Variants in ATP8A1 observed in about 807,000 individuals in gnomAD.
The protein encoded by ATP8A1 is phospholipid-transporting ATPase IA.
In ATP8A1, 90 loss-of-function variants were observed where a neutral mutation model predicts 177.7. The observed-to-expected ratio is 0.51, with a 90% confidence interval of 0.43 to 0.60. The LOEUF is 0.60. Ranked by LOEUF, ATP8A1 falls within the 20% of genes least tolerant of loss-of-function variation. The probability of loss-of-function intolerance (pLI) is 0.00; values close to 1 mark genes in which losing one functional copy is unlikely to be tolerated. For missense variants in ATP8A1, 1,072 were observed against 1,392.8 expected, an observed-to-expected ratio of 0.77 and a Z score of 3.67; for synonymous variants, 493 against 485.9, an observed-to-expected ratio of 1.01 and a Z score of -0.19.
intron 30 of ATP8A1, 84 bp from the exon 31 acceptor site, chr4:42,446,728 A>C: frequency 7.7e-7 from 1 of 1,296,578 alleles, no homozygotes; most frequent in South Asian, 1.2e-5. Context: ...GTTTGAACGA[A>C]GGAAGGGAAA....
At chr4:42,571,625 G>A (rs770636290) in intron 14 of ATP8A1, among the ~76,000 whole-genome samples, 2 of 152,082 alleles carry the variant, frequency 1.3e-5, no homozygotes, top group Non-Finnish European at 2.9e-5. Flanking sequence ...GCAATTAGCT[G>A]AAATGATACT....
At chr4:42,566,593 C>T (rs562347675) in intron 15 of ATP8A1, among the ~76,000 whole-genome samples, 5 of 152,190 alleles carry the variant, frequency 3.3e-5, no homozygotes, top group Admixed American at 1.3e-4. Flanking sequence ...CTGCTCTTGC[C>T]TAACACCACA....
At chr4:42,495,447 T>C (rs1016365928) in intron 24 of ATP8A1, among the ~76,000 whole-genome samples, 21 of 152,174 alleles carry the variant, frequency 1.4e-4, no homozygotes, top group Non-Finnish European at 2.6e-4. Flanking sequence ...CTGCAGGTGG[T>C]AGTAAAAGAA....
chr4:42,526,279 T>C (rs1578106505), intron 20 of ATP8A1, among the ~76,000 whole-genome samples: 2 of 152,172 alleles, frequency 1.3e-5, no homozygotes, highest in East Asian at 3.8e-4. Flanking sequence ...ATGTATAGTA[T>C]GTTTTTAAAA....
At chr4:42,610,873 A>T (rs1736297344) in intron 5 of ATP8A1, among the ~76,000 whole-genome samples, 1 of 152,222 alleles carries the variant, frequency 6.6e-6, no homozygotes, top group African/African-American at 2.4e-5. Context: ...ATATATGTTC[A>T]GGTCTACCGA....
At chr4:42,588,902 T>G (rs1407255869) in intron 7 of ATP8A1, among the ~76,000 whole-genome samples, 1 of 152,238 alleles carries the variant, frequency 6.6e-6, no homozygotes, top group African/African-American at 2.4e-5. Context: ...TGAAAGCGGA[T>G]ATATAGCTTT....
intron 35 of ATP8A1, among the ~76,000 whole-genome samples, chr4:42,422,360 GA>G (rs1454116229): frequency 6.6e-6 from 1 of 152,168 alleles, no homozygotes; most frequent in Non-Finnish European, 1.5e-5. Flanking sequence ...AAAGTGCTGG[GA>G]TTACAAGTGT....
chr4:42,564,225 G>T (rs867274086), intron 15 of ATP8A1, among the ~76,000 whole-genome samples: 3 of 152,188 alleles, frequency 2.0e-5, no homozygotes, highest in Admixed American at 2.0e-4. Flanking sequence ...CTCTGCTAGC[G>T]CAGTGCAGAA....
chr4:42,472,660 C>T (rs746132131), intron 25 of ATP8A1, among the ~76,000 whole-genome samples: 2 of 149,168 alleles, frequency 1.3e-5, no homozygotes, highest in African/African-American at 2.5e-5. Flanking sequence ...AGGAGAATTG[C>T]GTGAACCTGG....
intron 1 of ATP8A1, among the ~76,000 whole-genome samples, chr4:42,650,296 T>G (rs1042104313): frequency 6.6e-6 from 1 of 152,224 alleles, no homozygotes. Context: ...CAAATATTGA[T>G]GACATGCTGT....
At chr4:42,497,395 G>A (rs770282864) in intron 24 of ATP8A1, among the ~76,000 whole-genome samples, 3 of 152,190 alleles carry the variant, frequency 2.0e-5, no homozygotes, top group Non-Finnish European at 4.4e-5. Flanking sequence ...CACGAGGCAT[G>A]GCGTGCGCCT....
chr4:42,504,724 G>A (rs183422726), intron 23 of ATP8A1, among the ~76,000 whole-genome samples: 1 of 152,354 alleles, frequency 6.6e-6, no homozygotes, highest in East Asian at 1.9e-4. Flanking sequence ...CAGCCAGAGT[G>A]ACTGTTTTTA....
At chr4:42,537,146 A>AAAAAAAAAAC (rs540584674) in intron 20 of ATP8A1, among the ~76,000 whole-genome samples, 2 of 145,508 alleles carry the variant, frequency 1.4e-5, no homozygotes, top group Admixed American at 7.0e-5. Flanking sequence ...AAAAAAAAAA[A>AAAAAAAAAAC]CAAAAAAACC....
chr4:42,612,216 A>G (rs905788810), intron 5 of ATP8A1, among the ~76,000 whole-genome samples: 2 of 151,954 alleles, frequency 1.3e-5, no homozygotes, highest in African/African-American at 4.8e-5. Context: ...CCAGATAATG[A>G]ATTTTCAGGA....
chr4:42,522,230 T>TA lies in ATP8A1; in HGVS notation c.1876dup (p.Tyr626LeufsTer20). 1 of 1,613,772 alleles carries TA rather than the reference T, an allele frequency of 6.2e-7. No individual in the cohort carries two copies. Among genetic ancestry groups the TA allele is most frequent in the Non-Finnish European group, 8.5e-7 (1 of 1,179,884 alleles). On this transcript the variant is annotated frameshift_variant, in exon 22 of 37. Coordinates refer to ENST00000381668, the MANE Select transcript of ATP8A1 (RefSeq NM_006095.2). LOFTEE classifies it high-confidence loss of function. ...CTGCACAGATGTAGATGCTCGCTGA[T>TA]AGACTGCTCGCCACTCCTGAAAGTC... is the stretch of plus-strand genomic sequence containing the variant.
chr4:42,581,406 T>G (rs1733055917), intron 10 of ATP8A1, among the ~76,000 whole-genome samples: 1 of 152,202 alleles, frequency 6.6e-6, no homozygotes, highest in African/African-American at 2.4e-5. Context: ...GTGCTGGGAT[T>G]ACAGGCGTGA....
chr4:42,593,326 GA>G (rs1372395926), intron 6 of ATP8A1, among the ~76,000 whole-genome samples: 1 of 152,100 alleles, frequency 6.6e-6, no homozygotes, highest in Non-Finnish European at 1.5e-5. Context: ...ACTAAGAACA[GA>G]GGGGGTGATT....
intron 3 of ATP8A1, 30 bp from the exon 4 acceptor site, chr4:42,624,664 C>T (rs1381159033): frequency 8.7e-7 from 1 of 1,152,808 alleles, no homozygotes; most frequent in African/African-American, 1.6e-5. Context: ...AAAGAGAAAT[C>T]CAATGAGAAC....
intron 33 of ATP8A1, among the ~76,000 whole-genome samples, chr4:42,426,000 G>A (rs1343461149): frequency 6.6e-6 from 1 of 152,218 alleles, no homozygotes; most frequent in African/African-American, 2.4e-5. Context: ...AGTGATGCCG[G>A]CTCAAAATCG....
Sources: gnomAD v4.1 joint callset for allele counts (sites outside exome capture counted in the v4.1 genomes callset) on GRCh38, gnomAD v4.1.1 for gene constraint, MANE v1.5 for transcripts, NCBI Gene and HGNC (gene_info 2026-07-23, HGNC 2026-07-21) for gene names.